Variants in HLA-DQA1 observed in about 807,000 individuals in gnomAD.
HLA-DQA1 encodes the protein HLA class II histocompatibility antigen, DQ alpha 1 chain.
Under a neutral mutation model 20.7 loss-of-function variants are expected in HLA-DQA1, and 10 were observed. The ratio of observed to expected loss-of-function variants is 0.48; its 90% CI spans 0.30 to 0.82. The LOEUF (loss-of-function observed/expected upper bound fraction) is 0.82. HLA-DQA1 is among the 40% of genes least tolerant of loss of function. HLA-DQA1 has a pLI of 0.07. For synonymous variants in HLA-DQA1, 39 were observed against 109.2 expected, an observed-to-expected ratio of 0.36 and a Z score of 4.01; for missense variants, 127 against 293.0, an observed-to-expected ratio of 0.43 and a Z score of 4.14.
downstream of HLA-DQA1, among the ~76,000 whole-genome samples, chr6:32,647,864 A>G (rs1480895192): frequency 2.6e-5 from 4 of 152,008 alleles, no homozygotes; most frequent in Non-Finnish European, 4.4e-5. Flanking sequence ...TAAGTACAAT[A>G]CTTTGTTATG....
At chr6:32,645,061 C>T (rs1213693732), downstream of HLA-DQA1, 4 of 141,522 alleles carry the variant, frequency 2.8e-5, no homozygotes, top group East Asian at 6.4e-4. Flanking sequence ...TTTGATACCA[C>T]AATGGTGAAA....
downstream of HLA-DQA1, among the ~76,000 whole-genome samples, chr6:32,648,738 C>T (rs1782079706): frequency 1.0e-5 from 1 of 97,072 alleles, no homozygotes; most frequent in South Asian, 3.2e-4. Context: ...AGGATGCCCT[C>T]TCTCACCACT....
At chr6:32,650,955 G>T (rs1782158433), downstream of HLA-DQA1, among the ~76,000 whole-genome samples, 1 of 80,384 alleles carries the variant, frequency 1.2e-5, no homozygotes, top group Non-Finnish European at 2.6e-5. Context: ...GTGCAGTGGT[G>T]CGATCTTGGC....
the HLA-DQA1 span, among the ~76,000 whole-genome samples, chr6:32,652,692 T>G: frequency 0.54 from 72,373 of 133,358 alleles, 20,747 homozygotes; most frequent in Middle Eastern, 0.68. Context: ...CCTCATTTTG[T>G]CAAGTGGAAG....
At chr6:32,650,096 A>T (rs1782119600), downstream of HLA-DQA1, among the ~76,000 whole-genome samples, 3 of 43,360 alleles carry the variant, frequency 6.9e-5, 1 homozygote, top group African/African-American at 1.4e-4. Context: ...CACATAAAAA[A>T]TGCTCATCAT....
At chr6:32,649,852 G>A (rs570186121), downstream of HLA-DQA1, among the ~76,000 whole-genome samples, 1 of 95,242 alleles carries the variant, frequency 1.0e-5, no homozygotes, top group Admixed American at 1.3e-4. Context: ...CTAATTAAAT[G>A]AAAGAGCTTC....
downstream of HLA-DQA1, chr6:32,646,636 T>A (rs9273276): frequency 4.8e-5 from 2 of 41,534 alleles, no homozygotes; most frequent in East Asian, 8.7e-4. Flanking sequence ...ACCTACCACA[T>A]TTAAACTAGG....
At chr6:32,637,928 G>T (rs9272467) in intron 1 of HLA-DQA1, among the ~76,000 whole-genome samples, 19,010 of 81,860 alleles carry the variant, frequency 0.23, 3,939 homozygotes, top group East Asian at 0.33. Context: ...GGATGTCTCC[G>T]GTGGTAGATC....
At chr6:32,640,960 T>C (rs9272666) in intron 1 of HLA-DQA1, among the ~76,000 whole-genome samples, 29,001 of 75,256 alleles carry the variant, frequency 0.39, 8,650 homozygotes, top group Middle Eastern at 0.5. Context: ...TAAACCTAAT[T>C]TCTGACTAAG....
At chr6:32,651,356 G>T (rs1782176196), downstream of HLA-DQA1, among the ~76,000 whole-genome samples, 1 of 82,442 alleles carries the variant, frequency 1.2e-5, no homozygotes, top group Non-Finnish European at 2.6e-5. Context: ...AGGCCAAGGC[G>T]GGCAGATCAT....
rs1781293675 is a variant in HLA-DQA1 at position 32,640,487 on chromosome 6, C to T, written c.83-823C>T. ...GGCATCCTCAGACAAGCACACTGCCCATTAGAGGAAAAAGTGTGATATAAG... is the reference window on the plus strand; with the variant it reads ...GGCATCCTCAGACAAGCACACTGCCTATTAGAGGAAAAAGTGTGATATAAG... On this transcript the variant is annotated intron_variant, in intron 1 of 4. Coordinates refer to ENST00000343139, the MANE Select transcript of HLA-DQA1 (RefSeq NM_002122.5). Among the ~76,000 whole-genome samples, 3 of 61,936 alleles carry T rather than the reference C, an allele frequency of 4.8e-5. No homozygotes were observed. The South Asian group carries it at 1.5e-3, about 31-fold the overall frequency. 40.6% of individuals were successfully genotyped at this position (61,936 alleles called of 152,430 possible). A position where few individuals can be genotyped will look rare whatever the true frequency, so the allele number is the denominator to read the frequency against.
At chr6:32,644,257 C>T (rs9273049), downstream of HLA-DQA1, 60,698 of 124,924 alleles carry the variant, frequency 0.49, 12,617 homozygotes, top group Middle Eastern at 0.61. Context: ...CTATGAAATC[C>T]ATGAGGATAT....
At position 32,643,324 on chromosome 6, in the gene HLA-DQA1, T is replaced by C. The variant is rs707945; in HGVS notation, c.*393T>C. 23,111 of 255,396 alleles carry C rather than the reference T, an allele frequency of 0.09. 4,503 individuals carry two copies. The highest frequency in any genetic ancestry group is 0.13 in the Admixed American group (2,222 of 17,292). The allele number at this position is 255,396 out of a possible 1,614,324, so 15.8% of individuals were successfully genotyped here. ...CTGAAACTATGGCTAATAATTGGGG[T>C]ACTCTTATGTTTCAATCCAATTTAA... On this transcript the variant is annotated 3_prime_UTR_variant, in exon 5 of 5. Coordinates refer to ENST00000343139, the MANE Select transcript of HLA-DQA1 (RefSeq NM_002122.5).
Position 32,639,199 on chromosome 6 carries a change from G to A in HLA-DQA1, c.82+1659G>A, listed in dbSNP as rs9272551. On this transcript the variant is annotated intron_variant, in intron 1 of 4. Transcript: ENST00000343139. ...ATTAGGCACAATGTGGGCAGTGCAG[G>A]GGACCCTCCATACTGTAAAGCCACA... 21 of 163,906 alleles carry A rather than the reference G, an allele frequency of 1.3e-4. 1 individual carries two copies. The highest frequency in any genetic ancestry group is 1.6e-4 in the Admixed American group (2 of 12,788). The allele number at this position is 163,906 out of a possible 1,614,324, so 10.2% of individuals were successfully genotyped here. A position where few individuals can be genotyped will look rare whatever the true frequency, so the allele number is the denominator to read the frequency against.
chr6:32,653,230 T>C, the HLA-DQA1 span, among the ~76,000 whole-genome samples: 3 of 133,700 alleles, frequency 2.2e-5, 1 homozygote, highest in East Asian at 6.7e-4. Flanking sequence ...ACATATATAT[T>C]CATGTGGAAG....
At chr6:32,637,995 T>G (rs1781015429) in intron 1 of HLA-DQA1, among the ~76,000 whole-genome samples, 1 of 123,578 alleles carries the variant, frequency 8.1e-6, no homozygotes, top group Non-Finnish European at 1.8e-5. Context: ...TGCCCGTTTC[T>G]TTCTCTCAGA....
downstream of HLA-DQA1, among the ~76,000 whole-genome samples, chr6:32,650,520 A>G (rs1582021719): frequency 2.1e-5 from 2 of 96,232 alleles, no homozygotes; most frequent in African/African-American, 7.2e-5. Flanking sequence ...CTATGCAGCC[A>G]TATAAAAGGA....
At chr6:32,650,452 G>A (rs62404127), downstream of HLA-DQA1, among the ~76,000 whole-genome samples, 15,043 of 95,092 alleles carry the variant, frequency 0.16, 5,668 homozygotes, top group South Asian at 0.39. Context: ...ATCCAACCCA[G>A]ATGTCCATCA....
At chr6:32,647,477 C>CA (rs1782008360), downstream of HLA-DQA1, among the ~76,000 whole-genome samples, 1 of 93,896 alleles carries the variant, frequency 1.1e-5, no homozygotes, top group Non-Finnish European at 2.4e-5. Context: ...AAAAAACAAA[C>CA]AAAAAAACCA....
Sources: gnomAD v4.1 joint callset for allele counts (sites outside exome capture counted in the v4.1 genomes callset) on GRCh38, gnomAD v4.1.1 for gene constraint, MANE v1.5 for transcripts, NCBI Gene and HGNC (gene_info 2026-07-23, HGNC 2026-07-21) for gene names.